Variants in PELI2 observed in about 807,000 individuals in gnomAD.
The protein encoded by PELI2 is E3 ubiquitin-protein ligase pellino homolog 2.
Under a neutral mutation model 42.3 loss-of-function variants are expected in PELI2, and 23 were observed. The ratio of observed to expected loss-of-function variants is 0.54; its 90% CI spans 0.39 to 0.77. The LOEUF (loss-of-function observed/expected upper bound fraction) is 0.77. PELI2 is among the 30% of genes least tolerant of loss of function. The probability of loss-of-function intolerance (pLI) is 0.00; values close to 1 mark genes in which losing one functional copy is unlikely to be tolerated. For synonymous variants in PELI2, 245 were observed against 212.2 expected (o/e 1.15, Z -1.34); for missense variants, 463 against 553.2 (o/e 0.84, Z 1.64).
chr14:56,198,005 CACA>C (rs1566632248), intron 2 of PELI2, among the ~76,000 whole-genome samples: 22 of 134,220 alleles, frequency 1.6e-4, no homozygotes, highest in African/African-American at 5.4e-4. Flanking sequence ...CACACACACA[CACA>C]CACACCCACC....
chr14:56,155,616 C>CT (rs1344666609), intron 1 of PELI2, among the ~76,000 whole-genome samples: 1 of 144,804 alleles, frequency 6.9e-6, no homozygotes, highest in African/African-American at 2.6e-5. Context: ...GAGTCTCGCT[C>CT]TGTCACCCAG....
At chr14:56,126,543 G>A (rs918143613) in intron 1 of PELI2, among the ~76,000 whole-genome samples, 2 of 152,282 alleles carry the variant, frequency 1.3e-5, no homozygotes, top group Non-Finnish European at 1.5e-5. Context: ...TAACCAGAGC[G>A]AGCAGTTGTG....
At chr14:56,192,264 G>A (rs1452144539) in intron 2 of PELI2, among the ~76,000 whole-genome samples, 3 of 152,220 alleles carry the variant, frequency 2.0e-5, no homozygotes, top group African/African-American at 7.2e-5. Flanking sequence ...TTGTTACACT[G>A]ATACCTTTCT....
intron 5 of PELI2, among the ~76,000 whole-genome samples, chr14:56,293,228 T>C (rs1889891091): frequency 6.6e-6 from 1 of 152,228 alleles, no homozygotes; most frequent in Admixed American, 6.5e-5. Flanking sequence ...AGTTGCTATG[T>C]AGGGGCCATT....
chr14:56,296,164 A>C (rs918804308), intron 5 of PELI2, among the ~76,000 whole-genome samples: 1 of 152,230 alleles, frequency 6.6e-6, no homozygotes, highest in Non-Finnish European at 1.5e-5. Context: ...TAATGACTGC[A>C]GGCCCCCCGC....
intron 3 of PELI2, among the ~76,000 whole-genome samples, chr14:56,287,977 T>C (rs924824857): frequency 6.6e-6 from 1 of 152,220 alleles, no homozygotes; most frequent in Non-Finnish European, 1.5e-5. Flanking sequence ...GTTGTTGGGA[T>C]AGAACATTAA....
intron 2 of PELI2, among the ~76,000 whole-genome samples, chr14:56,271,010 C>G (rs949151945): frequency 1.3e-5 from 2 of 152,046 alleles, no homozygotes; most frequent in Non-Finnish European, 2.9e-5. Context: ...TTCTTCTGCC[C>G]GATGTTTAAG....
At chr14:56,274,852 A>G (rs1164152565) in intron 2 of PELI2, among the ~76,000 whole-genome samples, 1 of 152,256 alleles carries the variant, frequency 6.6e-6, no homozygotes, top group African/African-American at 2.4e-5. Flanking sequence ...CAGCTGGATA[A>G]AGCTGAAATT....
At chr14:56,247,864 T>C (rs1046533542) in intron 2 of PELI2, among the ~76,000 whole-genome samples, 2 of 152,218 alleles carry the variant, frequency 1.3e-5, no homozygotes, top group Non-Finnish European at 2.9e-5. Flanking sequence ...TAGTGAGTAA[T>C]CTTTGCTACC....
intron 2 of PELI2, among the ~76,000 whole-genome samples, chr14:56,261,898 C>T (rs1888726052): frequency 6.6e-6 from 1 of 152,140 alleles, no homozygotes; most frequent in South Asian, 2.1e-4. Context: ...TCTGATTAAA[C>T]TTCACACATA....
At chr14:56,153,424 G>A (rs562288040) in intron 1 of PELI2, among the ~76,000 whole-genome samples, 3 of 152,146 alleles carry the variant, frequency 2.0e-5, no homozygotes, top group Non-Finnish European at 4.4e-5. Flanking sequence ...GCAAGAAGAT[G>A]GTCACTGGTG....
intron 2 of PELI2, among the ~76,000 whole-genome samples, chr14:56,189,484 A>G (rs117793548): frequency 1.3e-5 from 2 of 152,224 alleles, no homozygotes; most frequent in African/African-American, 2.4e-5. Context: ...CTGATTTCAC[A>G]GGTTGGGAAT....
At chr14:56,157,002 C>G (rs771125084) in intron 1 of PELI2, among the ~76,000 whole-genome samples, 2 of 152,194 alleles carry the variant, frequency 1.3e-5, no homozygotes, top group African/African-American at 4.8e-5. Context: ...AGATTATGTA[C>G]ATGGCTGTTG....
intron 2 of PELI2, among the ~76,000 whole-genome samples, chr14:56,179,384 A>G (rs1885504836): frequency 6.6e-6 from 1 of 152,204 alleles, no homozygotes; most frequent in Non-Finnish European, 1.5e-5. Context: ...TGTGATATTT[A>G]TATGCAATGT....
rs1882931969 is a variant in PELI2 at position 56,118,481 on chromosome 14, C to G, written c.-180C>G. Reference sequence around the variant, plus strand: ...GCTCCGGGGAGTCAGGCGGAGCAGCCGCGCAGCCACGACGGAGCAGCAGCG... The same window carrying G: ...GCTCCGGGGAGTCAGGCGGAGCAGCGGCGCAGCCACGACGGAGCAGCAGCG... On this transcript the variant is annotated 5_prime_UTR_variant, in exon 1 of 6. Transcript: ENST00000267460. 2 of 347,066 alleles carry G rather than the reference C, an allele frequency of 5.8e-6. No homozygotes were observed. The highest frequency in any genetic ancestry group is 1.4e-4 in the South Asian group (1 of 7,150). The allele number at this position is 347,066 out of a possible 1,614,324, so 21.5% of individuals were successfully genotyped here.
At chr14:56,286,865 T>C (rs1314254298) in intron 3 of PELI2, among the ~76,000 whole-genome samples, 2 of 152,200 alleles carry the variant, frequency 1.3e-5, no homozygotes, top group Admixed American at 1.3e-4. Context: ...TGATAAGTCA[T>C]GTGTATGACC....
intron 2 of PELI2, among the ~76,000 whole-genome samples, chr14:56,216,007 A>T (rs973075020): frequency 1.3e-5 from 2 of 152,186 alleles, no homozygotes; most frequent in African/African-American, 4.8e-5. Flanking sequence ...TGCCAGTACT[A>T]CTCAGGAATT....
intron 1 of PELI2, among the ~76,000 whole-genome samples, chr14:56,130,068 T>G (rs1243508293): frequency 6.6e-6 from 1 of 152,126 alleles, no homozygotes; most frequent in Non-Finnish European, 1.5e-5. Context: ...GAGTTTTTTT[T>G]TTTCTTTTCC....
chr14:56,205,424 T>C (rs1448562704), intron 2 of PELI2, among the ~76,000 whole-genome samples: 1 of 151,956 alleles, frequency 6.6e-6, no homozygotes. Flanking sequence ...GGGGGAAGAT[T>C]GAAAATTCAG....
Sources: gnomAD v4.1 joint callset for allele counts (sites outside exome capture counted in the v4.1 genomes callset) on GRCh38, gnomAD v4.1.1 for gene constraint, MANE v1.5 for transcripts, NCBI Gene and HGNC (gene_info 2026-07-23, HGNC 2026-07-21) for gene names.